Variants in CCDC192 observed in about 807,000 individuals in gnomAD.
CCDC192 encodes coiled-coil domain-containing protein 192.
intron 5 of CCDC192, among the ~76,000 whole-genome samples, chr5:127,803,806 T>C (rs1037884053): frequency 1.3e-5 from 2 of 152,208 alleles, no homozygotes; most frequent in Non-Finnish European, 2.9e-5. Flanking sequence ...ATCTGGGTAA[T>C]TGGGTGGTAG....
intron 2 of CCDC192, among the ~76,000 whole-genome samples, chr5:127,747,015 G>GA: frequency 6.6e-6 from 1 of 150,470 alleles, no homozygotes; most frequent in East Asian, 1.9e-4. Context: ...AAGCCATAGG[G>GA]AAAAAAATAA....
intron 2 of CCDC192, among the ~76,000 whole-genome samples, chr5:127,732,341 C>T (rs1561452601): frequency 6.6e-6 from 1 of 152,110 alleles, no homozygotes; most frequent in Admixed American, 6.6e-5. Flanking sequence ...AGTCAAGAAA[C>T]AACAGATGCT....
chr5:127,812,074 G>A lies in CCDC192; in HGVS notation c.411+13912G>A, dbSNP rs375760957. Among the ~76,000 whole-genome samples the A allele has an allele frequency of 3.2e-4, 49 of 152,188 alleles. No homozygotes were observed. In the South Asian group the frequency reaches 6.9e-3, roughly 21 times the overall value. ...CTTGATCCTGAGGCTTAATTTCCAC[G>A]ACTGCAAAATGGGGATACTAAATGT... On this transcript the variant is annotated intron_variant, in intron 5 of 6. Coordinates refer to ENST00000514853, the MANE Select transcript of CCDC192 (RefSeq NM_001317938.2).
At chr5:127,882,444 C>G (rs545417100) in intron 6 of CCDC192, among the ~76,000 whole-genome samples, 280 of 152,212 alleles carry the variant, frequency 1.8e-3, no homozygotes, top group African/African-American at 6.2e-3. Flanking sequence ...TGTGAAATTC[C>G]TCAGGATCAA....
intron 3 of CCDC192, among the ~76,000 whole-genome samples, chr5:127,769,383 A>G (rs1404855660): frequency 9.9e-5 from 15 of 151,942 alleles, no homozygotes; most frequent in Admixed American, 7.2e-4. Context: ...TCAAATGACA[A>G]TATCAAATAG....
chr5:127,766,093 A>T (rs923604235), intron 3 of CCDC192, among the ~76,000 whole-genome samples: 11 of 152,272 alleles, frequency 7.2e-5, no homozygotes, highest in South Asian at 6.2e-4. Context: ...TTCTGACGGG[A>T]TGATTTTAAA....
intron 3 of CCDC192, among the ~76,000 whole-genome samples, chr5:127,791,529 T>C (rs1756866640): frequency 6.6e-6 from 1 of 152,198 alleles, no homozygotes; most frequent in Admixed American, 6.5e-5. Flanking sequence ...GCAGGACACT[T>C]TCAGCTTCCA....
chr5:127,912,718 A>C (rs924827182), intron 6 of CCDC192, among the ~76,000 whole-genome samples: 10 of 152,208 alleles, frequency 6.6e-5, no homozygotes, highest in Non-Finnish European at 1.5e-4. Flanking sequence ...CTGCTTAGGT[A>C]TTTGAAGCAA....
intron 2 of CCDC192, among the ~76,000 whole-genome samples, chr5:127,735,830 T>C (rs1481868095): frequency 7.4e-6 from 1 of 134,652 alleles, no homozygotes; most frequent in Non-Finnish European, 1.5e-5. Context: ...GATTTTGGGC[T>C]GAGACAATGG....
At chr5:127,869,353 A>G (rs1751751866) in intron 5 of CCDC192, among the ~76,000 whole-genome samples, 1 of 152,124 alleles carries the variant, frequency 6.6e-6, no homozygotes, top group Non-Finnish European at 1.5e-5. Context: ...AAAATAAGCT[A>G]GTACATATAA....
intron 6 of CCDC192, among the ~76,000 whole-genome samples, chr5:127,919,718 A>G (rs1273874913): frequency 1.3e-5 from 2 of 152,204 alleles, no homozygotes; most frequent in Admixed American, 6.5e-5. Flanking sequence ...TTTCCAAAGC[A>G]TCCTCTCCAA....
intron 3 of CCDC192, chr5:127,786,430 T>G: frequency 1.6e-6 from 1 of 625,264 alleles, no homozygotes; most frequent in Non-Finnish European, 3.0e-6. Flanking sequence ...TCCAATTCCA[T>G]GTAACACTGT....
chr5:127,801,221 AAGAGATG>A (rs1044858046), intron 5 of CCDC192, among the ~76,000 whole-genome samples: 147 of 152,298 alleles, frequency 9.7e-4, no homozygotes, highest in African/African-American at 3.3e-3. Context: ...CTTCTGGAAT[AAGAGATG>A]AGAGTTCTGA....
chr5:127,763,649 G>A (rs527284256), intron 3 of CCDC192, among the ~76,000 whole-genome samples: 98 of 152,184 alleles, frequency 6.4e-4, no homozygotes, highest in African/African-American at 2.3e-3. Context: ...CCACCTGCTT[G>A]TTTCTCCAGC....
chr5:127,779,016 G>C lies in CCDC192; in HGVS notation c.223-18087G>C, dbSNP rs146482173. 3.9e-4 allele frequency among the ~76,000 whole-genome samples: 59 copies of C among 151,930 alleles called. No individual in the cohort carries two copies. The East Asian group carries it at 0.011, about 29-fold the overall frequency. Reference sequence around the variant, plus strand: ...TTACATCTTATGTCTGTTTTTCTTAGCAACATAGCTAAATATTTATCAACT... The same window carrying C: ...TTACATCTTATGTCTGTTTTTCTTACCAACATAGCTAAATATTTATCAACT... On this transcript the variant is annotated intron_variant, in intron 3 of 6. Coordinates refer to ENST00000514853, the MANE Select transcript of CCDC192 (RefSeq NM_001317938.2).
intron 6 of CCDC192, among the ~76,000 whole-genome samples, chr5:127,930,227 C>G (rs72792225): frequency 2.9e-4 from 9 of 31,100 alleles, no homozygotes; most frequent in Non-Finnish European, 4.7e-4. Flanking sequence ...CTAAACTAAA[C>G]TAAAGTAAAC....
Position 127,790,141 on chromosome 5 carries a change from C to A in CCDC192, c.223-6962C>A, listed in dbSNP as rs200020588. 1.5e-4 allele frequency among the ~76,000 whole-genome samples: 23 copies of A among 152,130 alleles called. No individual in the cohort carries two copies. In the East Asian group the frequency reaches 2.5e-3, roughly 17 times the overall value. On this transcript the variant is annotated intron_variant, in intron 3 of 6. Transcript: ENST00000514853. ...GGTCCTGGAGGGCAGAGTATCAAAC[C>A]AAAAAGGATTATTCTAGATTATTCT...
chr5:127,765,261 C>T (rs1179418792), intron 3 of CCDC192, among the ~76,000 whole-genome samples: 1 of 152,086 alleles, frequency 6.6e-6, no homozygotes, highest in Non-Finnish European at 1.5e-5. Flanking sequence ...AGAATGTATG[C>T]AGAAGCAGAT....
chr5:127,817,580 G>C (rs1749082100), intron 5 of CCDC192, among the ~76,000 whole-genome samples: 2 of 152,172 alleles, frequency 1.3e-5, no homozygotes, highest in Non-Finnish European at 2.9e-5. Context: ...AAAATGTCCA[G>C]AATAGGTACT....
Sources: gnomAD v4.1 joint callset for allele counts (sites outside exome capture counted in the v4.1 genomes callset) on GRCh38, gnomAD v4.1.1 for gene constraint, MANE v1.5 for transcripts, NCBI Gene and HGNC (gene_info 2026-07-23, HGNC 2026-07-21) for gene names.